CEP44: variants seen among roughly 807,000 people sequenced by gnomAD.
CEP44 encodes the protein centrosomal protein 44, also known as centrosomal protein of 44 kDa.
CEP44 carries 45 observed loss-of-function variants against 46.7 expected under a neutral mutation model. The ratio of observed to expected loss-of-function variants is 0.96; its 90% CI spans 0.76 to 1.24. The LOEUF (loss-of-function observed/expected upper bound fraction) is 1.24. CEP44 is among the 50% of genes most tolerant of loss of function. The pLI, the probability that CEP44 is intolerant of heterozygous loss-of-function variation, is 0.00. For synonymous variants in CEP44, 142 were observed against 146.0 expected (o/e 0.97, Z 0.20); for missense variants, 475 against 459.7 (o/e 1.03, Z -0.30).
At chr4:174,316,709 G>A in intron 11 of CEP44, 142 bp downstream of exon 11, 1 of 646,330 alleles carries the variant, frequency 1.5e-6, no homozygotes, top group Non-Finnish European at 2.5e-6. Flanking sequence ...GACTCCACTG[G>A]ATAATAAATC....
Position 174,311,254 on chromosome 4 carries a change from T to C in CEP44, c.961+396T>C, listed in dbSNP as rs1223439712. 6.6e-6 allele frequency among the ~76,000 whole-genome samples: 1 copy of C among 152,016 alleles called. No homozygotes were observed. The highest frequency in any genetic ancestry group is 1.5e-5 in the Non-Finnish European group (1 of 67,924). ...CACATTTGTCAGTATCTATAAAGTATTGCAAACTTCTTCCATGTGAATAGT... is the reference window on the plus strand; with the variant it reads ...CACATTTGTCAGTATCTATAAAGTACTGCAAACTTCTTCCATGTGAATAGT... On this transcript the variant is annotated intron_variant, in intron 9 of 11. Coordinates refer to ENST00000503780, the MANE Select transcript of CEP44 (RefSeq NM_001040157.3). The surrounding 1 kb of genome is among the most constrained non-coding windows in gnomAD (Gnocchi z 4.4).
chr4:174,322,381 C>T (rs1742377994), downstream of CEP44, among the ~76,000 whole-genome samples: 1 of 152,072 alleles, frequency 6.6e-6, no homozygotes, highest in Admixed American at 6.6e-5. Flanking sequence ...ATCCTCTGCA[C>T]CACATTGGCT....
downstream of CEP44, among the ~76,000 whole-genome samples, chr4:174,324,891 C>G (rs1410312275): frequency 6.6e-6 from 1 of 152,146 alleles, no homozygotes; most frequent in East Asian, 1.9e-4. Context: ...GTTCTCTGTT[C>G]CCAAATTCAA....
chr4:174,316,075 G>A (rs1187968882), intron 9 of CEP44, 91 bp from the exon 10 acceptor site: 2 of 1,452,128 alleles, frequency 1.4e-6, no homozygotes, highest in East Asian at 2.4e-5. Flanking sequence ...AATTAAAATA[G>A]TATGTTTTTC....
chr4:174,294,046 CTT>C (rs764798847), intron 1 of CEP44, among the ~76,000 whole-genome samples: 18 of 138,060 alleles, frequency 1.3e-4, no homozygotes, highest in Non-Finnish European at 7.9e-5. Context: ...CATATATCCT[CTT>C]TTTTTTTTTT....
chr4:174,327,363 A>G (rs1742747584), intron 8 of CEP44, among the ~76,000 whole-genome samples: 4 of 151,894 alleles, frequency 2.6e-5, no homozygotes, highest in South Asian at 2.1e-4. Context: ...GGAAGACTCA[A>G]TACAGATTAA....
chr4:174,320,684 C>CTGTGTGTGTGTGTGTGTGTATGTGTG (rs573044532), downstream of CEP44, among the ~76,000 whole-genome samples: 1 of 147,412 alleles, frequency 6.8e-6, no homozygotes, highest in Admixed American at 6.8e-5. Context: ...TGAGTGTGCT[C>CTGTGTGTGTGTGTGTGTGTATGTGTG]TGTGTGTGTG....
intron 9 of CEP44, among the ~76,000 whole-genome samples, chr4:174,315,840 CAAAAAAAAA>C (rs58586936): frequency 2.1e-5 from 2 of 95,776 alleles, no homozygotes. Flanking sequence ...GACTCCGTCT[CAAAAAAAAA>C]AAAAAAAAAA....
intron 1 of CEP44, among the ~76,000 whole-genome samples, chr4:174,295,475 C>T (rs534364808): frequency 3.2e-3 from 491 of 151,240 alleles, no homozygotes; most frequent in African/African-American, 0.012. Flanking sequence ...GGGATGGCGG[C>T]CGGGCAGAGA....
downstream of CEP44, chr4:174,320,429 C>A: frequency 1.6e-6 from 1 of 631,662 alleles, no homozygotes; most frequent in Non-Finnish European, 2.0e-6. Context: ...TTATAAACTA[C>A]AACACTTTTT....
intron 1 of CEP44, among the ~76,000 whole-genome samples, chr4:174,294,843 C>T (rs1273606748): frequency 6.8e-5 from 9 of 132,990 alleles, no homozygotes; most frequent in Admixed American, 2.9e-4. Flanking sequence ...GACGGCTGGC[C>T]GGGCGGGGGG....
Position 174,325,867 on chromosome 4 carries a change from T to C in CEP44, c.1087-5615T>C, listed in dbSNP as rs1742629779. Among the ~76,000 whole-genome samples the C allele has an allele frequency of 6.6e-6, 1 of 152,180 alleles. No individual in the cohort carries two copies. The highest frequency in any genetic ancestry group is 2.1e-4 in the South Asian group (1 of 4,830). On this transcript the variant is annotated intron_variant, in intron 8 of 8. Coordinates refer to the CEP44 transcript ENST00000426172. The surrounding 1 kb of genome is among the most constrained non-coding windows in gnomAD (Gnocchi z 4.4). ...TCTCTGGTAATATTCTCTCCTGATA[T>C]CTATGTTGTCTGACAGCTATTCCAG...
chr4:174,320,890 CTA>C (rs1742271916), downstream of CEP44, among the ~76,000 whole-genome samples: 1 of 151,826 alleles, frequency 6.6e-6, no homozygotes, highest in Non-Finnish European at 1.5e-5. Flanking sequence ...CAGTGGGAGA[CTA>C]TTACAGTAAT....
chr4:174,326,995 TACAG>T lies in CEP44; in HGVS notation c.1087-4482_1087-4479del, dbSNP rs1405014562. Among the ~76,000 whole-genome samples, 4 of 151,808 alleles carry T rather than the reference TACAG, an allele frequency of 2.6e-5. No individual in the cohort carries two copies. The highest frequency in any genetic ancestry group is 5.9e-5 in the Non-Finnish European group (4 of 67,876). On this transcript the variant is annotated intron_variant, in intron 8 of 8. Transcript: ENST00000426172. The surrounding 1 kb of genome is among the most constrained non-coding windows in gnomAD (Gnocchi z 4.8). Reference sequence around the variant, plus strand: ...GCTATGTAGAAAAACCAAAATAAACTACAGACAGTTTTTTAGAATTAATAGAATT... The same window carrying T: ...GCTATGTAGAAAAACCAAAATAAACTACAGTTTTTTAGAATTAATAGAATT...
chr4:174,310,001 C>G lies in CEP44; in HGVS notation c.830C>G (p.Thr277Ser). The G allele has an allele frequency of 6.2e-7, 1 of 1,612,722 alleles. No homozygotes were observed. The highest frequency in any genetic ancestry group is 8.5e-7 in the Non-Finnish European group (1 of 1,179,180). The change falls in exon 8 of 12, where the codon ACT becomes AGT. Residue 277 changes from threonine to serine, a missense_variant. By Grantham distance (58) the Thr-to-Ser change is moderately conservative (BLOSUM62 1). Transcript: ENST00000503780. The surrounding 1 kb of genome is among the most constrained non-coding windows in gnomAD (Gnocchi z 4.2). ...GTGATGGTAGATGAAAACACCTGGA[C>G]TAATCTTCTTAGTCGTGTCACTCTT... ...GKVMVDENTW[T>S]NLLSRVTLLE...
At position 174,301,501 on chromosome 4, in the gene CEP44, T is replaced by G. The variant is rs1739703380; in HGVS notation, c.90-538T>G. Among the ~76,000 whole-genome samples the G allele has an allele frequency of 6.6e-6, 1 of 152,170 alleles. No homozygotes were observed. ...GGATACCTTTCTAGACTGGTGGAAT[T>G]AACATAGGTAATAATATACGATTTA... On this transcript the variant is annotated intron_variant, in intron 3 of 11. Transcript: ENST00000503780. The surrounding 1 kb of genome is among the most constrained non-coding windows in gnomAD (Gnocchi z 4.3).
At position 174,287,345 on chromosome 4, in the gene CEP44, AG is replaced by A. The variant is rs1451769488; in HGVS notation, c.-148+3407del. Among the ~76,000 whole-genome samples, 1 of 152,116 alleles carries A rather than the reference AG, an allele frequency of 6.6e-6. No homozygotes were observed. The highest frequency in any genetic ancestry group is 1.5e-5 in the Non-Finnish European group (1 of 68,010). On this transcript the variant is annotated intron_variant, in intron 1 of 11. Coordinates refer to ENST00000503780, the MANE Select transcript of CEP44 (RefSeq NM_001040157.3). This position sits in a 1 kb window ranked among gnomAD's most constrained non-coding sequence, Gnocchi z 5.1. Reference sequence around the variant, plus strand: ...CTGGGTCTATTAGAGAAAATTAATGAGGGGGATTAATTAGTTTGGGATCTAA... The same window carrying A: ...CTGGGTCTATTAGAGAAAATTAATGAGGGGATTAATTAGTTTGGGATCTAA...
Position 174,286,287 on chromosome 4 carries a change from T to C in CEP44, c.-148+2344T>C, listed in dbSNP as rs555170276. Among the ~76,000 whole-genome samples the C allele has an allele frequency of 9.1e-4, 138 of 152,184 alleles. 1 individual carries two copies. The highest frequency in any genetic ancestry group is 1.7e-3 in the Admixed American group (26 of 15,280). Reference sequence around the variant, plus strand: ...TTTGTAAATCGGTGACCTTCTTACCTTTCCTTATTTAAAGATAGAGAAACG... The same window carrying C: ...TTTGTAAATCGGTGACCTTCTTACCCTTCCTTATTTAAAGATAGAGAAACG... On this transcript the variant is annotated intron_variant, in intron 1 of 11. Coordinates refer to ENST00000503780, the MANE Select transcript of CEP44 (RefSeq NM_001040157.3). This position sits in a 1 kb window ranked among gnomAD's most constrained non-coding sequence, Gnocchi z 5.2.
chr4:174,318,327 A>T lies in CEP44; in HGVS notation c.*944A>T. 1.0e-6 allele frequency: 1 copy of T among 985,324 alleles called. No homozygotes were observed. The highest frequency in any genetic ancestry group is 1.2e-6 in the Non-Finnish European group (1 of 829,894). 61.0% of individuals were successfully genotyped at this position (985,324 alleles called of 1,614,324 possible). On this transcript the variant is annotated 3_prime_UTR_variant, in exon 12 of 12. Coordinates refer to ENST00000503780, the MANE Select transcript of CEP44 (RefSeq NM_001040157.3). ...ATCTGCCTGTCTTGGCCTCCGGCGTAACACTTTTTAAGACCAGTGTAACAG... is the reference window on the plus strand; with the variant it reads ...ATCTGCCTGTCTTGGCCTCCGGCGTTACACTTTTTAAGACCAGTGTAACAG...
Sources: allele counts gnomAD v4.1 joint callset (sites outside exome capture counted in the v4.1 genomes callset), GRCh38; gene constraint gnomAD v4.1.1; non-coding constraint Gnocchi (gnomAD v3.1); transcripts MANE v1.5; gene names NCBI Gene and HGNC (gene_info 2026-07-23, HGNC 2026-07-21).